The following SOD2 variants were observed in gnomAD, a reference collection of about 807,000 sequenced individuals.
SOD2 encodes superoxide dismutase [Mn], mitochondrial.
SOD2 carries 11 observed loss-of-function variants against 27.0 expected under a neutral mutation model. The ratio of observed to expected loss-of-function variants is 0.41; its 90% CI spans 0.26 to 0.67. SOD2 has a LOEUF of 0.67. SOD2 is among the 30% of genes least tolerant of loss of function. The pLI is 0.34. For synonymous variants in SOD2, 105 were observed against 103.0 expected (o/e 1.02, Z -0.12); for missense variants, 250 against 274.5 (o/e 0.91, Z 0.63).
chr6:159,746,509 A>G (rs1417600494), upstream of SOD2, among the ~76,000 whole-genome samples: 3 of 152,148 alleles, frequency 2.0e-5, no homozygotes, highest in East Asian at 1.9e-4. Context: ...CCAGCATACT[A>G]ACTCATCCAT....
At chr6:159,748,161 G>T, upstream of SOD2, 1 of 1,597,784 alleles carries the variant, frequency 6.3e-7, no homozygotes, top group South Asian at 1.1e-5. This position sits in a 1 kb window ranked among gnomAD's most constrained non-coding sequence, Gnocchi z 5.6. Flanking sequence ...CCTTTGATTT[G>T]GTCGTAATTG....
chr6:159,758,438 A>G (rs909047335), intron 1 of SOD2, among the ~76,000 whole-genome samples: 2 of 152,206 alleles, frequency 1.3e-5, no homozygotes, highest in Non-Finnish European at 2.9e-5. Context: ...ATTGGATACA[A>G]CTGACTACTC....
Position 159,682,354 on chromosome 6 carries a change from ATTAAG to A in SOD2, c.*134_*138del. 1.7e-6 allele frequency: 1 copy of A among 603,574 alleles called. No individual in the cohort carries two copies. The highest frequency in any genetic ancestry group is 4.2e-5 in the South Asian group (1 of 23,840). The allele number at this position is 603,574 out of a possible 1,614,324, so 37.4% of individuals were successfully genotyped here. On this transcript the variant is annotated 3_prime_UTR_variant, in exon 5 of 5. Coordinates refer to ENST00000538183, the MANE Select transcript of SOD2 (RefSeq NM_000636.4). ...TGTTTAGTAAGAAATTATTCAGAAC[ATTAAG>A]TTGTTTATGAAATAAGTGACTAAGC... is the stretch of plus-strand genomic sequence containing the variant.
At chr6:159,729,372 A>G (rs2114862968), upstream of SOD2, among the ~76,000 whole-genome samples, 1 of 152,354 alleles carries the variant, frequency 6.6e-6, no homozygotes, top group Non-Finnish European at 1.5e-5. Flanking sequence ...TGTAGTTACT[A>G]AGCTTAACAC....
At chr6:159,733,270 C>T (rs1291461167) in intron 1 of SOD2, among the ~76,000 whole-genome samples, 1 of 152,170 alleles carries the variant, frequency 6.6e-6, no homozygotes, top group African/African-American at 2.4e-5. Context: ...ATACAATTAG[C>T]TCAGAAACAA....
chr6:159,735,300 G>C (rs1778838468), intron 1 of SOD2, among the ~76,000 whole-genome samples: 2 of 152,110 alleles, frequency 1.3e-5, no homozygotes, highest in Admixed American at 1.3e-4. Context: ...CACTACGCCG[G>C]GCTAATTTTT....
At chr6:159,713,100 C>T in intron 1 of SOD2, 1 of 764,364 alleles carries the variant, frequency 1.3e-6, no homozygotes, top group South Asian at 2.2e-5. Flanking sequence ...TTCTTAGTGG[C>T]TCTGTAAGGT....
intron 3 of SOD2, 65 bp downstream of exon 3, chr6:159,688,061 G>A (rs1780274485): frequency 3.3e-6 from 3 of 914,236 alleles, no homozygotes; most frequent in South Asian, 1.4e-5. Context: ...GGTAACTTCA[G>A]TAAATCAACA....
chr6:159,746,402 G>A (rs549671359), upstream of SOD2, among the ~76,000 whole-genome samples: 1 of 152,272 alleles, frequency 6.6e-6, no homozygotes, highest in Admixed American at 6.5e-5. Context: ...TTAAAACAGA[G>A]CTGCTGCATT....
intron 1 of SOD2, chr6:159,726,625 G>A: frequency 2.3e-6 from 1 of 438,358 alleles, no homozygotes; most frequent in Non-Finnish European, 3.9e-6. Context: ...CCACTTGCAG[G>A]ACCTCTTTGA....
At chr6:159,742,472 T>TG (rs1316412017) in intron 1 of SOD2, among the ~76,000 whole-genome samples, 1 of 152,160 alleles carries the variant, frequency 6.6e-6, no homozygotes, top group East Asian at 1.9e-4. Context: ...GAATTTGACT[T>TG]GAAGCATGAG....
At chr6:159,683,511 T>A (rs1780050779) in intron 4 of SOD2, among the ~76,000 whole-genome samples, 1 of 152,100 alleles carries the variant, frequency 6.6e-6, no homozygotes, top group African/African-American at 2.4e-5. Context: ...TCAAAATAAA[T>A]TATAGCTCTC....
At chr6:159,716,037 G>A (rs1042862217) in intron 1 of SOD2, among the ~76,000 whole-genome samples, 1 of 151,976 alleles carries the variant, frequency 6.6e-6, no homozygotes, top group Non-Finnish European at 1.5e-5. Context: ...GCTTTATTGT[G>A]AAACAAGGGC....
intron 3 of SOD2, among the ~76,000 whole-genome samples, chr6:159,687,525 TAATATGAAGTACC>T (rs1224212660): frequency 6.6e-6 from 1 of 151,964 alleles, no homozygotes; most frequent in African/African-American, 2.4e-5. Flanking sequence ...AGTCTTTCCC[TAATATGAAGTACC>T]ATCCAGAAAC....
rs1779877823 is a variant in SOD2 at position 159,679,961 on chromosome 6, G to A, written c.*2532C>T. ...CTTAAAGTCTCCTTTTCCACCAGAT[G>A]ACTAAAATCTTTAGTTTGTAAATTC... is the stretch of plus-strand genomic sequence containing the variant. On this transcript the variant is annotated 3_prime_UTR_variant, in exon 5 of 5. Coordinates refer to ENST00000538183, the MANE Select transcript of SOD2 (RefSeq NM_000636.4). The A allele has an allele frequency of 1.3e-5, 2 of 152,062 alleles. No individual in the cohort carries two copies. Among genetic ancestry groups the A allele is most frequent in the South Asian group, 4.1e-4 (2 of 4,828 alleles). The allele number at this position is 152,062 out of a possible 1,614,324, so 9.4% of individuals were successfully genotyped here.
intron 1 of SOD2, chr6:159,736,220 A>G: frequency 6.3e-7 from 1 of 1,575,848 alleles, no homozygotes; most frequent in Non-Finnish European, 8.6e-7. Context: ...ACTGGAAGAA[A>G]ATAAATTGAA....
At chr6:159,750,747 A>G (rs1333378856) in intron 1 of SOD2, among the ~76,000 whole-genome samples, 5 of 152,032 alleles carry the variant, frequency 3.3e-5, no homozygotes, top group South Asian at 2.1e-4. Flanking sequence ...TGAATCACTT[A>G]TAAATGGATT....
chr6:159,747,366 G>A (rs577198211), upstream of SOD2, among the ~76,000 whole-genome samples: 4 of 152,248 alleles, frequency 2.6e-5, no homozygotes, highest in South Asian at 6.2e-4. Flanking sequence ...TTGTAGTCCC[G>A]CTATGGCACT....
rs147710566 is a variant in SOD2 at position 159,673,743 on chromosome 6, A to C, written c.*8750T>G. ...GCTAGCAGAAGACAAGAAATAACTA[A>C]GATCAGAGCAGAACTGAAGGAGACA... On this transcript the variant is annotated 3_prime_UTR_variant, in exon 5 of 5. Coordinates refer to ENST00000538183, the MANE Select transcript of SOD2 (RefSeq NM_000636.4). 6.6e-6 allele frequency: 1 copy of C among 152,342 alleles called. No individual in the cohort carries two copies. The highest frequency in any genetic ancestry group is 1.5e-5 in the Non-Finnish European group (1 of 68,034). The allele number at this position is 152,342 out of a possible 1,614,324, so 9.4% of individuals were successfully genotyped here.
Sources: gnomAD v4.1 joint callset for allele counts (sites outside exome capture counted in the v4.1 genomes callset) on GRCh38, gnomAD v4.1.1 for gene constraint, Gnocchi (gnomAD v3.1) non-coding constraint, MANE v1.5 for transcripts, NCBI Gene and HGNC (gene_info 2026-07-23, HGNC 2026-07-21) for gene names.